SAMD3: variants seen among roughly 807,000 people sequenced by gnomAD.
SAMD3 encodes the protein sterile alpha motif domain containing 3.
Under a neutral mutation model 58.5 loss-of-function variants are expected in SAMD3, and 63 were observed. That is an observed-to-expected ratio of 1.08 (90% CI 0.88 to 1.33). SAMD3 has a LOEUF of 1.33. Ranked by LOEUF, SAMD3 falls within the 40% of genes most tolerant of loss-of-function variation. The probability of loss-of-function intolerance (pLI) is 0.00; values close to 1 mark genes in which losing one functional copy is unlikely to be tolerated. For synonymous variants in SAMD3, 220 were observed against 210.3 expected, an observed-to-expected ratio of 1.05 and a Z score of -0.40; for missense variants, 604 against 608.4, an observed-to-expected ratio of 0.99 and a Z score of 0.08.
In SAMD3 at chr6:130,364,776, CAAG is replaced by C. The variant is rs570757041; in HGVS notation, c.-304+341_-304+343del. Among the ~76,000 whole-genome samples, 770 of 152,194 alleles carry C rather than the reference CAAG, an allele frequency of 5.1e-3. 11 individuals are homozygous for C. The highest frequency in any genetic ancestry group is 8.4e-3 in the Non-Finnish European group (570 of 68,020). On this transcript the variant is annotated intron_variant, in intron 1 of 13. Transcript: ENST00000368134. Reference sequence around the variant, plus strand: ...AATCTCTAAATTCTTCTAGTCAAGGCAAGAAGGTTATACCACAGGAAATCCATT... The same window carrying C: ...AATCTCTAAATTCTTCTAGTCAAGGCAAGGTTATACCACAGGAAATCCATT...
chr6:130,170,756 T>C (rs1001012043), intron 8 of SAMD3, among the ~76,000 whole-genome samples: 1 of 152,180 alleles, frequency 6.6e-6, no homozygotes, highest in African/African-American at 2.4e-5. Flanking sequence ...CTATTATTGG[T>C]GTATAGGAAT....
At chr6:130,312,599 G>A (rs1776214410) in intron 2 of SAMD3, among the ~76,000 whole-genome samples, 1 of 152,126 alleles carries the variant, frequency 6.6e-6, no homozygotes, top group South Asian at 2.1e-4. Context: ...TTTGGGCTGT[G>A]ATTTGCAATT....
At chr6:130,288,951 TCACC>T (rs1470748287) in intron 2 of SAMD3, among the ~76,000 whole-genome samples, 4 of 152,352 alleles carry the variant, frequency 2.6e-5, no homozygotes, top group Middle Eastern at 3.4e-3. Flanking sequence ...CTAGCAAACA[TCACC>T]CTTTGGTTAA....
intron 9 of SAMD3, among the ~76,000 whole-genome samples, chr6:130,153,293 C>T (rs955456669): frequency 1.3e-5 from 2 of 152,048 alleles, no homozygotes; most frequent in Non-Finnish European, 2.9e-5. Context: ...GGGAAACAAG[C>T]GAAAGCCACA....
intron 1 of SAMD3, among the ~76,000 whole-genome samples, chr6:130,358,466 G>C (rs552829340): frequency 6.6e-6 from 1 of 152,144 alleles, no homozygotes; most frequent in Non-Finnish European, 1.5e-5. Context: ...AAATGTGAAG[G>C]TGAACTTCCA....
Position 130,311,922 on chromosome 6 carries a change from G to A in SAMD3, c.-188+1056C>T, listed in dbSNP as rs531989516. 1.3e-3 allele frequency among the ~76,000 whole-genome samples: 199 copies of A among 152,206 alleles called. 1 individual carries two copies. Among genetic ancestry groups the A allele is most frequent in the Non-Finnish European group, 2.1e-3 (143 of 68,000 alleles). On this transcript the variant is annotated intron_variant, in intron 2 of 13. Coordinates refer to the SAMD3 transcript ENST00000368134. ...GGGGGCCTTTGATGAGCCCAAAGAA[G>A]TACCAGCGAGAGAAGGAGCCTGCCT...
chr6:130,198,241 T>C (rs1017066234), intron 5 of SAMD3, among the ~76,000 whole-genome samples: 10 of 152,136 alleles, frequency 6.6e-5, no homozygotes, highest in South Asian at 4.2e-4. Flanking sequence ...TCTCTGTCTG[T>C]TATCCAGGCA....
At chr6:130,246,799 G>A (rs1224123060) in intron 2 of SAMD3, among the ~76,000 whole-genome samples, 4 of 152,166 alleles carry the variant, frequency 2.6e-5, no homozygotes, top group Non-Finnish European at 4.4e-5. Context: ...TAAGGCAGGA[G>A]AATGGTTTGA....
intron 1 of SAMD3, among the ~76,000 whole-genome samples, chr6:130,347,965 TCC>T (rs1199524837): frequency 2.0e-5 from 3 of 152,160 alleles, no homozygotes; most frequent in Admixed American, 6.5e-5. Context: ...GAATTTCATA[TCC>T]AGCCAAACTA....
At chr6:130,243,047 A>C (rs1179813329) in intron 2 of SAMD3, among the ~76,000 whole-genome samples, 1 of 152,166 alleles carries the variant, frequency 6.6e-6, no homozygotes, top group Non-Finnish European at 1.5e-5. Flanking sequence ...ACAGAGGCAA[A>C]GAGCAACAGC....
At chr6:130,287,345 T>C (rs990491087) in intron 2 of SAMD3, among the ~76,000 whole-genome samples, 2 of 152,198 alleles carry the variant, frequency 1.3e-5, no homozygotes, top group South Asian at 2.1e-4. Context: ...ATAGTCCCCA[T>C]AGTGCCTAGC....
At chr6:130,281,364 C>G (rs929856517) in intron 2 of SAMD3, among the ~76,000 whole-genome samples, 2 of 152,078 alleles carry the variant, frequency 1.3e-5, no homozygotes, top group African/African-American at 2.4e-5. Context: ...CATTTCAGGG[C>G]CATCAGATGT....
chr6:130,154,897 T>C lies in SAMD3; in HGVS notation c.951A>G (p.Arg317=). 6.2e-7 allele frequency: 1 copy of C among 1,613,556 alleles called. No homozygotes were observed. Among genetic ancestry groups the C allele is most frequent in the Non-Finnish European group, 8.5e-7 (1 of 1,179,804 alleles). ...KRMSQTLEIR[R]KMIGSRTPLK... The stretch of plus-strand genomic sequence containing the variant: ...GAGGTGTTCGGCTGCCAATCATCTT[T>C]CTTCTTATTTCCAAAGTTTGGCTCA... Residue 317 remains arginine (R), a synonymous_variant, in exon 9 of 12, where the codon AGA becomes AGG. Coordinates refer to ENST00000439090, the MANE Select transcript of SAMD3 (RefSeq NM_001017373.4).
chr6:130,242,470 C>T lies in SAMD3; in HGVS notation c.-187-19657G>A, dbSNP rs993930559. 3.9e-5 allele frequency among the ~76,000 whole-genome samples: 6 copies of T among 152,148 alleles called. 1 individual carries two copies. The highest frequency in any genetic ancestry group is 1.3e-4 in the Admixed American group (2 of 15,276). The stretch of plus-strand genomic sequence containing the variant: ...GAACTGGACTGCAGGTAAGGGAAAA[C>T]ACGATCATGGATAAGTAAACAAGAC... On this transcript the variant is annotated intron_variant, in intron 2 of 13. Transcript: ENST00000368134.
chr6:130,177,444 A>G (rs1791831642), intron 7 of SAMD3, among the ~76,000 whole-genome samples: 1 of 152,120 alleles, frequency 6.6e-6, no homozygotes, highest in African/African-American at 2.4e-5. Flanking sequence ...TTCTACCTCA[A>G]TATGCCAACA....
intron 5 of SAMD3, among the ~76,000 whole-genome samples, chr6:130,197,309 C>T (rs948041943): frequency 1.3e-5 from 2 of 152,228 alleles, no homozygotes; most frequent in East Asian, 1.9e-4. Flanking sequence ...TTCTCAACTA[C>T]TCATACATGC....
chr6:130,203,702 C>T (rs949843640), intron 5 of SAMD3, among the ~76,000 whole-genome samples: 1 of 152,212 alleles, frequency 6.6e-6, no homozygotes, highest in African/African-American at 2.4e-5. Flanking sequence ...AGGGACTGCA[C>T]AGATGAATAA....
chr6:130,232,385 T>C (rs1368004624), intron 2 of SAMD3, among the ~76,000 whole-genome samples: 1 of 152,216 alleles, frequency 6.6e-6, no homozygotes, highest in Non-Finnish European at 1.5e-5. Flanking sequence ...ATGGGCTAAT[T>C]AATGCACTCT....
At chr6:130,244,748 T>A (rs148852197) in intron 2 of SAMD3, among the ~76,000 whole-genome samples, 54 of 45,600 alleles carry the variant, frequency 1.2e-3, no homozygotes, top group Middle Eastern at 0.02. Flanking sequence ...AAAAAAAAAA[T>A]AAAAATAAAA....
Sources: allele counts gnomAD v4.1 joint callset (sites outside exome capture counted in the v4.1 genomes callset), GRCh38; gene constraint gnomAD v4.1.1; transcripts MANE v1.5; gene names NCBI Gene and HGNC (gene_info 2026-07-23, HGNC 2026-07-21).